Variants in MEF2A observed in about 807,000 individuals in gnomAD.
The protein encoded by MEF2A is myocyte-specific enhancer factor 2A.
Under a neutral mutation model 55.8 loss-of-function variants are expected in MEF2A, and 28 were observed. The ratio of observed to expected loss-of-function variants is 0.50; its 90% CI spans 0.37 to 0.69. MEF2A has a LOEUF of 0.69. Among genes scored for constraint, MEF2A ranks in the 30% least tolerant of loss-of-function variants. The pLI is 0.00. For synonymous variants in MEF2A, 239 were observed against 227.1 expected (o/e 1.05, Z -0.47); for missense variants, 528 against 626.2 (o/e 0.84, Z 1.67).
At chr15:99,691,198 AGAG>A (rs1312720454) in intron 8 of MEF2A, among the ~76,000 whole-genome samples, 1 of 150,782 alleles carries the variant, frequency 6.6e-6, no homozygotes, top group Non-Finnish European at 1.5e-5. Flanking sequence ...CAACAGAGAC[AGAG>A]GGAGGGGGGA....
chr15:99,671,689 C>T (rs1224269845), intron 5 of MEF2A: 1 of 1,528,812 alleles, frequency 6.5e-7, no homozygotes, highest in South Asian at 1.3e-5. Flanking sequence ...GTGCTTTTAT[C>T]TTGTGCATGA....
chr15:99,645,563 C>T lies in MEF2A; in HGVS notation c.57C>T (p.Val19=). The T allele has an allele frequency of 6.2e-7, 1 of 1,609,004 alleles. No homozygotes were observed. The highest frequency in any genetic ancestry group is 8.5e-7 in the Non-Finnish European group (1 of 1,176,872). ...AATATACCTTTTTTATTGTTTAGGT[C>T]ACTTTTACAAAGAGAAAGTTTGGAT... is the stretch of plus-strand genomic sequence containing the variant. ...TRIMDERNRQ[V]TFTKRKFGLM... The change falls in exon 4 of 12, where the codon GTC becomes GTT. Residue 19 remains valine, a splice_region_variant and synonymous_variant. Transcript: ENST00000557942.
intron 2 of MEF2A, among the ~76,000 whole-genome samples, chr15:99,607,415 A>G (rs890430640): frequency 6.6e-6 from 1 of 152,194 alleles, no homozygotes; most frequent in African/African-American, 2.4e-5. Context: ...ATAAATATTG[A>G]TAAGGTTAGA....
At position 99,676,682 on chromosome 15, in the gene MEF2A, G is replaced by A. The variant is rs541014922; in HGVS notation, c.670+1224G>A. Among the ~76,000 whole-genome samples the A allele has an allele frequency of 1.1e-4, 17 of 151,434 alleles. No individual in the cohort carries two copies. The East Asian group carries it at 3.3e-3, about 30-fold the overall frequency. On this transcript the variant is annotated intron_variant, in intron 7 of 11. Transcript: ENST00000557942. ...TCACCTCCCGGGTTCACGCCATTCT[G>A]CCTCAGCCTCCCGAGTAGCTGGGAC...
rs980277267 is a variant in MEF2A at position 99,598,412 on chromosome 15, AT to A, written c.-224-11del. 1 of 152,142 alleles carries A rather than the reference AT, an allele frequency of 6.6e-6. No individual in the cohort carries two copies. Among genetic ancestry groups the A allele is most frequent in the African/African-American group, 2.4e-5 (1 of 41,430 alleles). The allele number at this position is 152,142 out of a possible 1,614,324, so 9.4% of individuals were successfully genotyped here. ...AGTCAAGAACAATAATGCATCTCAA[AT>A]TTTTTTCTTTTTTAAGGAATTGCAT... On this transcript the variant is annotated splice_polypyrimidine_tract_variant and intron_variant, in intron 1 of 11. Transcript: ENST00000557942.
intron 8 of MEF2A, among the ~76,000 whole-genome samples, chr15:99,699,701 T>A (rs2057073966): frequency 6.6e-6 from 1 of 152,224 alleles, no homozygotes; most frequent in Non-Finnish European, 1.5e-5. Flanking sequence ...ACTGTAAGGT[T>A]AGAGACCAAC....
At chr15:99,606,080 G>T (rs1306337043) in intron 2 of MEF2A, among the ~76,000 whole-genome samples, 1 of 152,144 alleles carries the variant, frequency 6.6e-6, no homozygotes, top group East Asian at 1.9e-4. Flanking sequence ...ATAAACAAAA[G>T]AAATTAAATG....
At chr15:99,573,071 G>A (rs1018886386) in intron 1 of MEF2A, among the ~76,000 whole-genome samples, 2 of 152,094 alleles carry the variant, frequency 1.3e-5, no homozygotes, top group Admixed American at 6.5e-5. Flanking sequence ...GGCGATTCAC[G>A]AGGTCAGGAG....
chr15:99,653,640 C>T (rs538055168), intron 4 of MEF2A, among the ~76,000 whole-genome samples: 1 of 152,112 alleles, frequency 6.6e-6, no homozygotes, highest in African/African-American at 2.4e-5. Flanking sequence ...AATAATGTTT[C>T]TTGTAGTTCT....
intron 3 of MEF2A, among the ~76,000 whole-genome samples, chr15:99,644,980 T>C (rs1447418023): frequency 2.0e-5 from 3 of 151,850 alleles, no homozygotes; most frequent in Non-Finnish European, 4.4e-5. Context: ...ATATAAAGGG[T>C]GTAAATAAAA....
intron 2 of MEF2A, among the ~76,000 whole-genome samples, chr15:99,605,536 G>A (rs940294570): frequency 6.6e-6 from 1 of 152,174 alleles, no homozygotes; most frequent in Non-Finnish European, 1.5e-5. Flanking sequence ...CACATTTACA[G>A]ACGTTACATT....
intron 5 of MEF2A, 40 bp downstream of exon 5, chr15:99,671,494 T>C: frequency 6.2e-7 from 1 of 1,613,872 alleles, no homozygotes; most frequent in Non-Finnish European, 8.5e-7. Context: ...TATTTGTTGA[T>C]CCTTTTTGTT....
intron 3 of MEF2A, among the ~76,000 whole-genome samples, chr15:99,641,169 T>G (rs2044849178): frequency 6.6e-6 from 1 of 152,110 alleles, no homozygotes; most frequent in Non-Finnish European, 1.5e-5. Context: ...AAGAAGATAT[T>G]TCATCTACCT....
chr15:99,676,726 C>T (rs1451837744), intron 7 of MEF2A, among the ~76,000 whole-genome samples: 8 of 152,022 alleles, frequency 5.3e-5, no homozygotes, highest in South Asian at 2.1e-4. Flanking sequence ...CCCGCCACCA[C>T]GCCGGGCTAA....
intron 1 of MEF2A, among the ~76,000 whole-genome samples, chr15:99,593,100 T>C (rs1300868523): frequency 6.6e-6 from 1 of 152,226 alleles, no homozygotes; most frequent in Non-Finnish European, 1.5e-5. Context: ...GTTCATAATA[T>C]GTTTCTTTTG....
At chr15:99,636,590 TG>T (rs1157629952) in intron 3 of MEF2A, among the ~76,000 whole-genome samples, 1 of 152,184 alleles carries the variant, frequency 6.6e-6, no homozygotes, top group Non-Finnish European at 1.5e-5. Context: ...CCTCCTGCCT[TG>T]GCTTCCCAAA....
intron 2 of MEF2A, among the ~76,000 whole-genome samples, chr15:99,608,196 TAAGTG>T (rs956015233): frequency 1.3e-5 from 2 of 152,192 alleles, no homozygotes; most frequent in African/African-American, 4.8e-5. Flanking sequence ...CTTCAGCAGT[TAAGTG>T]AAGGGAGTGA....
chr15:99,601,807 T>TTGTG (rs56729766), intron 2 of MEF2A, among the ~76,000 whole-genome samples: 69 of 138,918 alleles, frequency 5.0e-4, no homozygotes, highest in African/African-American at 1.8e-3. Context: ...TTTGTCTGTT[T>TTGTG]TGTGTGTGTG....
At position 99,714,674 on chromosome 15, in the gene MEF2A, CT is replaced by C. The variant is rs1211254720; in HGVS notation, c.*1904del. On this transcript the variant is annotated 3_prime_UTR_variant, in exon 12 of 12. Coordinates refer to ENST00000557942, the MANE Select transcript of MEF2A (RefSeq NM_001319206.4). ...TGTGCCATGAGCAAAATTCAAAGTC[CT>C]GTATATCTTTCATTGTAGATTTTTA... The C allele has an allele frequency of 6.6e-6, 1 of 152,122 alleles. No homozygotes were observed. Among genetic ancestry groups the C allele is most frequent in the Non-Finnish European group, 1.5e-5 (1 of 68,018 alleles). The allele number at this position is 152,122 out of a possible 1,614,324, so 9.4% of individuals were successfully genotyped here.
Sources: gnomAD v4.1 joint callset for allele counts (sites outside exome capture counted in the v4.1 genomes callset) on GRCh38, gnomAD v4.1.1 for gene constraint, MANE v1.5 for transcripts, NCBI Gene and HGNC (gene_info 2026-07-23, HGNC 2026-07-21) for gene names.